ADAMTS2: variants seen among roughly 807,000 people sequenced by gnomAD.
ADAMTS2 encodes ADAM metallopeptidase with thrombospondin type 1 motif 2.
A neutral mutation model predicts 123.0 loss-of-function variants in ADAMTS2; 50 were observed. That is an observed-to-expected ratio of 0.41 (90% CI 0.32 to 0.51). ADAMTS2 has a LOEUF of 0.51. Ranked by LOEUF, ADAMTS2 falls within the 20% of genes least tolerant of loss-of-function variation. The pLI, the probability that ADAMTS2 is intolerant of heterozygous loss-of-function variation, is 0.35. For synonymous variants in ADAMTS2, 678 were observed against 695.4 expected (o/e 0.98, Z 0.39); for missense variants, 1,494 against 1,705.2 (o/e 0.88, Z 2.18).
At chr5:179,321,351 A>T (rs1157821526) in intron 2 of ADAMTS2, among the ~76,000 whole-genome samples, 1 of 152,090 alleles carries the variant, frequency 6.6e-6, no homozygotes, top group South Asian at 2.1e-4. Flanking sequence ...TGCCATGCGC[A>T]CCAGCTTCCC....
rs560507211 is a variant in ADAMTS2, at chr5:179,259,510, A to T, written c.688+13401T>A. ...GATTCCACAGGTGCTTTATGTCCAGAGACAACCGCGCAGGGAACAGTGGCC... is the reference window on the plus strand; with the variant it reads ...GATTCCACAGGTGCTTTATGTCCAGTGACAACCGCGCAGGGAACAGTGGCC... On this transcript the variant is annotated intron_variant, in intron 3 of 21. Transcript: ENST00000251582. 1.1e-4 allele frequency among the ~76,000 whole-genome samples: 17 copies of T among 152,308 alleles called. No homozygotes were observed. In the South Asian group the frequency reaches 2.7e-3, roughly 24 times the overall value.
At chr5:179,195,892 G>C (rs886514109) in intron 4 of ADAMTS2, among the ~76,000 whole-genome samples, 1 of 152,172 alleles carries the variant, frequency 6.6e-6, no homozygotes, top group Non-Finnish European at 1.5e-5. Context: ...CCACTTAAGG[G>C]ACCCGTGTTT....
At chr5:179,194,826 C>T (rs991893508) in intron 4 of ADAMTS2, among the ~76,000 whole-genome samples, 5 of 152,102 alleles carry the variant, frequency 3.3e-5, no homozygotes, top group Non-Finnish European at 7.4e-5. Context: ...GAGTTCCCCT[C>T]CTCAGGTGGG....
chr5:179,201,061 T>G (rs1466711402), intron 4 of ADAMTS2, among the ~76,000 whole-genome samples: 1 of 152,184 alleles, frequency 6.6e-6, no homozygotes, highest in African/African-American at 2.4e-5. Flanking sequence ...ACAAAAAAAC[T>G]TATCTCCGTT....
chr5:179,258,928 C>T (rs1766140449), intron 3 of ADAMTS2, among the ~76,000 whole-genome samples: 1 of 152,316 alleles, frequency 6.6e-6, no homozygotes, highest in South Asian at 2.1e-4. Context: ...CACGATGGCG[C>T]TGAGGGGCTG....
intron 2 of ADAMTS2, among the ~76,000 whole-genome samples, chr5:179,302,023 G>A (rs1756533470): frequency 6.6e-6 from 1 of 152,226 alleles, no homozygotes; most frequent in Non-Finnish European, 1.5e-5. Context: ...TCCCTGCAGA[G>A]GAACTGCAAG....
chr5:179,274,528 C>T (rs151240485), intron 2 of ADAMTS2, among the ~76,000 whole-genome samples: 5 of 151,786 alleles, frequency 3.3e-5, no homozygotes, highest in Admixed American at 6.5e-5. Flanking sequence ...TCTGGATGTG[C>T]GGAAACCACA....
rs1320929126 is a variant in ADAMTS2 at position 179,189,484 on chromosome 5, G to A, written c.892-8329C>T. On this transcript the variant is annotated intron_variant, in intron 4 of 21. Transcript: ENST00000251582. The surrounding 1 kb of genome is among the most constrained non-coding windows in gnomAD (Gnocchi z 4.2). ...TGCCTCAGCCTCCCGAGTAGCTGGG[G>A]CTACAGGCGCCCGCCAGTGCGCCTG... is the stretch of plus-strand genomic sequence containing the variant. Among the ~76,000 whole-genome samples, 7 of 147,876 alleles carry A rather than the reference G, an allele frequency of 4.7e-5. No homozygotes were observed. The highest frequency in any genetic ancestry group is 2.0e-4 in the East Asian group (1 of 5,002).
Position 179,127,616 on chromosome 5 carries a change from C to A in ADAMTS2, c.2617+343G>T, listed in dbSNP as rs138369317. Among the ~76,000 whole-genome samples, 14 of 152,216 alleles carry A rather than the reference C, an allele frequency of 9.2e-5. No individual in the cohort carries two copies. In the East Asian group the frequency reaches 2.5e-3, roughly 27 times the overall value. On this transcript the variant is annotated intron_variant, in intron 17 of 21. Transcript: ENST00000251582. Reference sequence around the variant, plus strand: ...GAGGTGTCATCTGCACTGCCAGAGTCTTGCCTATGCGATCCTGCCAATGCC... The same window carrying A: ...GAGGTGTCATCTGCACTGCCAGAGTATTGCCTATGCGATCCTGCCAATGCC...
chr5:179,265,420 C>T, intron 3 of ADAMTS2, among the ~76,000 whole-genome samples: 1 of 152,176 alleles, frequency 6.6e-6, no homozygotes, highest in Middle Eastern at 3.2e-3. Flanking sequence ...GGCTGTCAGG[C>T]GGAGTGCCAG....
intron 2 of ADAMTS2, among the ~76,000 whole-genome samples, chr5:179,278,772 T>G (rs1369531094): frequency 6.6e-6 from 1 of 152,028 alleles, no homozygotes; most frequent in Non-Finnish European, 1.5e-5. Context: ...GCCCAGAGCC[T>G]GGTAGTACCC....
intron 5 of ADAMTS2, among the ~76,000 whole-genome samples, chr5:179,174,014 A>G (rs958020722): frequency 1.9e-4 from 28 of 144,224 alleles, no homozygotes; most frequent in Admixed American, 5.5e-4. Flanking sequence ...CTCCATCTCA[A>G]AAAAAAAAAA....
chr5:179,126,962 G>A (rs1310079843), intron 17 of ADAMTS2, among the ~76,000 whole-genome samples: 2 of 152,256 alleles, frequency 1.3e-5, no homozygotes, highest in East Asian at 1.9e-4. Context: ...GAGGCACAGG[G>A]TGGAGATATA....
chr5:179,327,933 A>C (rs1253116486), intron 2 of ADAMTS2, among the ~76,000 whole-genome samples: 2 of 152,266 alleles, frequency 1.3e-5, no homozygotes, highest in Non-Finnish European at 2.9e-5. Flanking sequence ...AATAATAACA[A>C]GGAAGTTCAT....
intron 4 of ADAMTS2, among the ~76,000 whole-genome samples, chr5:179,192,950 C>T (rs1015621911): frequency 1.1e-4 from 17 of 152,340 alleles, no homozygotes; most frequent in Admixed American, 9.8e-4. Flanking sequence ...AGGCCAAGCT[C>T]AGCCGCACGC....
intron 3 of ADAMTS2, among the ~76,000 whole-genome samples, chr5:179,245,582 C>T (rs1028028852): frequency 1.4e-4 from 21 of 149,090 alleles, no homozygotes; most frequent in East Asian, 6.0e-4. Context: ...CTGGCTAACA[C>T]GGTGAAACCC....
chr5:179,264,593 C>T lies in ADAMTS2; in HGVS notation c.688+8318G>A, dbSNP rs142643768. On this transcript the variant is annotated intron_variant, in intron 3 of 21. Coordinates refer to ENST00000251582, the MANE Select transcript of ADAMTS2 (RefSeq NM_014244.5). ...AGGGACTGTTACCTTGTGCAAAACCCGAAAAGCTCTTTGGAGGACATTCCC... is the reference window on the plus strand; with the variant it reads ...AGGGACTGTTACCTTGTGCAAAACCTGAAAAGCTCTTTGGAGGACATTCCC... Among the ~76,000 whole-genome samples, 1,099 of 152,322 alleles carry T rather than the reference C, an allele frequency of 7.2e-3. 5 individuals carry two copies. The highest frequency in any genetic ancestry group is 0.044 in the Middle Eastern group (13 of 294).
intron 2 of ADAMTS2, among the ~76,000 whole-genome samples, chr5:179,337,396 C>T (rs1020682353): frequency 6.6e-6 from 1 of 152,212 alleles, no homozygotes; most frequent in African/African-American, 2.4e-5. Context: ...CGTGTACACA[C>T]TCATTCAGAC....
At chr5:179,322,648 G>A (rs1195142562) in intron 2 of ADAMTS2, among the ~76,000 whole-genome samples, 13 of 152,188 alleles carry the variant, frequency 8.5e-5, no homozygotes, top group Non-Finnish European at 1.9e-4. Context: ...TGTAATATAA[G>A]AACCAGGACT....
Sources: allele counts gnomAD v4.1 joint callset (sites outside exome capture counted in the v4.1 genomes callset), GRCh38; gene constraint gnomAD v4.1.1; non-coding constraint Gnocchi (gnomAD v3.1); transcripts MANE v1.5; gene names NCBI Gene and HGNC (gene_info 2026-07-23, HGNC 2026-07-21).